Variants in DNAAF9 observed in about 807,000 individuals in gnomAD.
The protein encoded by DNAAF9 is shulin.
A neutral mutation model predicts 167.0 loss-of-function variants in DNAAF9; 90 were observed. The observed-to-expected ratio is 0.54, with a 90% CI of 0.45 to 0.64. The LOEUF (loss-of-function observed/expected upper bound fraction) is 0.64, where lower values mean the gene tolerates loss of function less well. Among genes scored for constraint, DNAAF9 ranks in the 30% least tolerant of loss-of-function variants. The pLI is 0.00. For synonymous variants in DNAAF9, 491 were observed against 508.8 expected (o/e 0.96, Z 0.47); for missense variants, 1,315 against 1,442.2 (o/e 0.91, Z 1.43).
At chr20:3,261,741 T>C (rs569771724) in intron 31 of DNAAF9, among the ~76,000 whole-genome samples, 3 of 116,340 alleles carry the variant, frequency 2.6e-5, no homozygotes, top group Non-Finnish European at 5.6e-5. Context: ...TCTTAATTTC[T>C]TTAAAGAAGG....
Position 3,381,911 on chromosome 20 carries a change from T to A in DNAAF9, c.164-413A>T, listed in dbSNP as rs952878081. 2.6e-5 allele frequency among the ~76,000 whole-genome samples: 4 copies of A among 152,106 alleles called. No homozygotes were observed. In the East Asian group the frequency reaches 7.7e-4, roughly 29 times the overall value. ...TAATGTGAAGAAGAGGACAAGTGAG[T>A]GGAACCACAAACACCCATCACTTTA... On this transcript the variant is annotated intron_variant, in intron 2 of 36. Transcript: ENST00000252032.
At chr20:3,307,180 C>T (rs982443430) in intron 20 of DNAAF9, 38 of 983,032 alleles carry the variant, frequency 3.9e-5, no homozygotes, top group Non-Finnish European at 4.3e-5. Flanking sequence ...TCCCACTAGA[C>T]TCTGAAGCCT....
intron 36 of DNAAF9, among the ~76,000 whole-genome samples, 178 bp downstream of exon 36, chr20:3,253,543 CTGAAA>C: frequency 6.6e-6 from 1 of 152,196 alleles, no homozygotes; most frequent in Non-Finnish European, 1.5e-5. Flanking sequence ...GCTTTAGAGA[CTGAAA>C]TGAAAAGTTC....
At chr20:3,258,709 T>G (rs1250806074) in intron 33 of DNAAF9, among the ~76,000 whole-genome samples, 1 of 152,010 alleles carries the variant, frequency 6.6e-6, no homozygotes, top group Non-Finnish European at 1.5e-5. Context: ...ATACATCACC[T>G]GGCTCCTCAG....
intron 20 of DNAAF9, among the ~76,000 whole-genome samples, chr20:3,309,195 T>C (rs1276794970): frequency 6.6e-6 from 1 of 152,160 alleles, no homozygotes; most frequent in Non-Finnish European, 1.5e-5. Flanking sequence ...GTTGGTTTTT[T>C]TTTTCCTGAA....
At chr20:3,308,273 T>A (rs1003940513) in intron 20 of DNAAF9, among the ~76,000 whole-genome samples, 2 of 152,068 alleles carry the variant, frequency 1.3e-5, no homozygotes, top group African/African-American at 4.8e-5. Context: ...TGTTCCTGAA[T>A]GTGACCTATG....
chr20:3,295,801 T>C, intron 23 of DNAAF9: 1 of 836,344 alleles, frequency 1.2e-6, no homozygotes, highest in Non-Finnish European at 2.0e-6. Context: ...GCTTCAATAT[T>C]CAGTGGATCA....
intron 9 of DNAAF9, among the ~76,000 whole-genome samples, chr20:3,342,168 C>T (rs766464217): frequency 6.6e-6 from 1 of 152,180 alleles, no homozygotes; most frequent in Non-Finnish European, 1.5e-5. Flanking sequence ...GAAGGCCACT[C>T]AACTCCAACT....
At chr20:3,380,023 T>C (rs2083626902) in intron 3 of DNAAF9, among the ~76,000 whole-genome samples, 1 of 152,158 alleles carries the variant, frequency 6.6e-6, no homozygotes. Flanking sequence ...ACAACTGCAC[T>C]CCGGCCTGGG....
chr20:3,374,186 G>A (rs940726816), intron 5 of DNAAF9, 32 bp from the exon 6 acceptor site: 2 of 1,407,690 alleles, frequency 1.4e-6, no homozygotes, highest in Non-Finnish European at 2.0e-6. Flanking sequence ...ACACATATCA[G>A]ATACCATCCT....
chr20:3,270,306 C>T (rs1359609397), intron 30 of DNAAF9, 121 bp downstream of exon 30: 1 of 941,472 alleles, frequency 1.1e-6, no homozygotes, highest in African/African-American at 1.6e-5. Flanking sequence ...CCGCACCTGG[C>T]TCAAAAACTG....
chr20:3,295,336 T>C (rs1476687211), intron 23 of DNAAF9, among the ~76,000 whole-genome samples: 1 of 151,814 alleles, frequency 6.6e-6, no homozygotes, highest in African/African-American at 2.4e-5. Context: ...CATATCACCA[T>C]GCCCGGATAG....
rs560252319 is a variant in DNAAF9, at chr20:3,346,490, A to C, written c.789+2035T>G. Among the ~76,000 whole-genome samples, 10 of 152,278 alleles carry C rather than the reference A, an allele frequency of 6.6e-5. No individual in the cohort carries two copies. In the South Asian group the frequency reaches 2.1e-3, roughly 32 times the overall value. On this transcript the variant is annotated intron_variant, in intron 8 of 36. Coordinates refer to ENST00000252032, the MANE Select transcript of DNAAF9 (RefSeq NM_001009984.3). ...TGAATTGTAACAAAGATCCCAATGA[A>C]CTGACTTGAATATGTTTACTTTGTT...
At chr20:3,294,330 T>G (rs1218255652) in intron 24 of DNAAF9, 74 bp from the exon 25 acceptor site, 14 of 1,028,566 alleles carry the variant, frequency 1.4e-5, no homozygotes, top group Middle Eastern at 4.1e-4. Context: ...CATGAAAAAG[T>G]TTTTACTTAA....
Position 3,392,120 on chromosome 20 carries a change from T to C in DNAAF9, c.84-9614A>G, listed in dbSNP as rs193254598. 2.5e-3 allele frequency among the ~76,000 whole-genome samples: 382 copies of C among 152,222 alleles called. 1 individual carries two copies. The highest frequency in any genetic ancestry group is 8.3e-3 in the African/African-American group (345 of 41,530). On this transcript the variant is annotated intron_variant, in intron 1 of 36. Transcript: ENST00000252032. ...GCCCAGGAGTTCCAGGCTGCATTGA[T>C]TGCACCACTGCACTCAAGCCTGGGT...
intron 36 of DNAAF9, among the ~76,000 whole-genome samples, chr20:3,253,488 G>A (rs1242877276): frequency 6.6e-6 from 1 of 152,060 alleles, no homozygotes; most frequent in Non-Finnish European, 1.5e-5. Context: ...ATAACCCAGA[G>A]TCACATTAGC....
intron 3 of DNAAF9, 104 bp downstream of exon 3, chr20:3,381,275 T>A (rs1378813945): frequency 4.2e-6 from 4 of 947,980 alleles, no homozygotes; most frequent in Non-Finnish European, 6.0e-6. Context: ...ACTGGGGCTT[T>A]GGACTATTTT....
chr20:3,268,022 C>CTT (rs755499907), intron 30 of DNAAF9, among the ~76,000 whole-genome samples: 4 of 133,400 alleles, frequency 3.0e-5, no homozygotes, highest in Non-Finnish European at 6.6e-5. Flanking sequence ...GATAGGTTTA[C>CTT]TTTTTTTTTT....
chr20:3,407,444 G>A, intron 1 of DNAAF9, 31 bp downstream of exon 1: 1 of 1,285,462 alleles, frequency 7.8e-7, no homozygotes, highest in Non-Finnish European at 9.8e-7. Flanking sequence ...CCCCCGCCCG[G>A]CCGCCCCTCG....
Sources: gnomAD v4.1 joint callset for allele counts (sites outside exome capture counted in the v4.1 genomes callset) on GRCh38, gnomAD v4.1.1 for gene constraint, MANE v1.5 for transcripts, NCBI Gene and HGNC (gene_info 2026-07-23, HGNC 2026-07-21) for gene names.